The following RAP1GDS1 variants were observed in gnomAD, a reference collection of about 807,000 sequenced individuals.
RAP1GDS1 encodes RAP1, GTP-GDP dissociation stimulator 1.
A neutral mutation model predicts 71.1 loss-of-function variants in RAP1GDS1; 35 were observed. The ratio of observed to expected loss-of-function variants is 0.49; its 90% CI spans 0.38 to 0.65. RAP1GDS1 has a LOEUF of 0.65. Among genes scored for constraint, RAP1GDS1 ranks in the 30% least tolerant of loss-of-function variants. The pLI, the probability that RAP1GDS1 is intolerant of heterozygous loss-of-function variation, is 0.00. For synonymous variants in RAP1GDS1, 229 were observed against 243.1 expected, an observed-to-expected ratio of 0.94 and a Z score of 0.54; for missense variants, 663 against 706.1, an observed-to-expected ratio of 0.94 and a Z score of 0.69.
intron 2 of RAP1GDS1, among the ~76,000 whole-genome samples, chr4:98,297,485 A>T (rs941181423): frequency 6.6e-6 from 1 of 152,148 alleles, no homozygotes; most frequent in Non-Finnish European, 1.5e-5. Context: ...GTGTCACATT[A>T]TGGTAATTCT....
Position 98,261,409 on chromosome 4 carries a change from C to T in RAP1GDS1, c.-157C>T. 5.3e-6 allele frequency: 2 copies of T among 377,454 alleles called. No homozygotes were observed. Among genetic ancestry groups the T allele is most frequent in the Non-Finnish European group, 8.2e-6 (2 of 245,186 alleles). The allele number at this position is 377,454 out of a possible 1,614,324, so 23.4% of individuals were successfully genotyped here. Reference sequence around the variant, plus strand: ...GCTCGTCCCCGCCGCGGCCGCGCCGCCTGCAGCAGCACCAGCTGCTCCTCC... The same window carrying T: ...GCTCGTCCCCGCCGCGGCCGCGCCGTCTGCAGCAGCACCAGCTGCTCCTCC... On this transcript the variant is annotated 5_prime_UTR_variant, in exon 1 of 15. Coordinates refer to ENST00000408927, the MANE Select transcript of RAP1GDS1 (RefSeq NM_001100427.2).
intron 12 of RAP1GDS1, among the ~76,000 whole-genome samples, chr4:98,422,258 C>G (rs1462380881): frequency 6.6e-6 from 1 of 152,070 alleles, no homozygotes; most frequent in Non-Finnish European, 1.5e-5. Flanking sequence ...TGCTCTCTCG[C>G]TCAGGCTGGA....
chr4:98,288,898 C>G (rs879211040), intron 1 of RAP1GDS1, among the ~76,000 whole-genome samples: 2 of 152,112 alleles, frequency 1.3e-5, no homozygotes, highest in Admixed American at 1.3e-4. Context: ...TGAAGAGAAG[C>G]ATGATTTTTT....
chr4:98,320,352 T>C (rs140837681), intron 2 of RAP1GDS1, among the ~76,000 whole-genome samples: 212 of 152,342 alleles, frequency 1.4e-3, no homozygotes, highest in African/African-American at 4.8e-3. Flanking sequence ...TTTGTGTTTT[T>C]TGTAGCCAGA....
chr4:98,353,720 C>A (rs894780532), intron 4 of RAP1GDS1, among the ~76,000 whole-genome samples: 1 of 152,088 alleles, frequency 6.6e-6, no homozygotes, highest in African/African-American at 2.4e-5. Context: ...TTTTCAGTCC[C>A]CAGTATAGCC....
At chr4:98,371,705 G>A (rs891041402) in intron 4 of RAP1GDS1, among the ~76,000 whole-genome samples, 2 of 151,978 alleles carry the variant, frequency 1.3e-5, no homozygotes, top group Admixed American at 6.6e-5. Flanking sequence ...TCAAACTCCC[G>A]CCTTGGCTTC....
rs553864796 is a variant in RAP1GDS1, at chr4:98,396,782, A to G, written c.637+4702A>G. 6 of 152,302 alleles carry G rather than the reference A, an allele frequency of 3.9e-5. No individual in the cohort carries two copies. The East Asian group carries it at 1.2e-3, about 29-fold the overall frequency. 9.4% of individuals were successfully genotyped at this position (152,302 alleles called of 1,614,324 possible). On this transcript the variant is annotated intron_variant, in intron 6 of 14. Transcript: ENST00000408927. ...TTTCTTGCCTGTTAACAAGTAATGT[A>G]TTTTTATTGATTCGTGTAAATATCA...
Position 98,418,656 on chromosome 4 carries a change from G to A in RAP1GDS1, c.1040-1G>A. On this transcript the variant is annotated splice_acceptor_variant, in intron 9 of 14. Coordinates refer to ENST00000408927, the MANE Select transcript of RAP1GDS1 (RefSeq NM_001100427.2). LOFTEE classifies it high-confidence loss of function. ...AAAAAGATGTGTGTTTTTTTTTTCA[G>A]ATGCAAATTGTATTCATATGGTAGA... The A allele has an allele frequency of 6.3e-7, 1 of 1,575,572 alleles. No homozygotes were observed.
intron 7 of RAP1GDS1, 133 bp downstream of exon 7, chr4:98,404,735 TA>T (rs1481811753): frequency 9.3e-6 from 10 of 1,074,232 alleles, no homozygotes; most frequent in Non-Finnish European, 1.3e-5. Context: ...TGCATATCTC[TA>T]ACTTTAGCTA....
intron 2 of RAP1GDS1, among the ~76,000 whole-genome samples, chr4:98,302,180 A>G (rs991517374): frequency 6.6e-6 from 1 of 152,160 alleles, no homozygotes; most frequent in African/African-American, 2.4e-5. Flanking sequence ...GTTATCATTA[A>G]CAGAACACCA....
At chr4:98,380,218 C>T (rs978964112) in intron 5 of RAP1GDS1, among the ~76,000 whole-genome samples, 4 of 151,738 alleles carry the variant, frequency 2.6e-5, no homozygotes, top group African/African-American at 9.7e-5. Flanking sequence ...AAAACCACTA[C>T]TCTTCTCTAG....
At chr4:98,325,801 T>C (rs1225302715) in intron 2 of RAP1GDS1, among the ~76,000 whole-genome samples, 3 of 144,506 alleles carry the variant, frequency 2.1e-5, no homozygotes, top group African/African-American at 5.2e-5. Context: ...AGGGATAGCA[T>C]TGGGCGATAT....
intron 2 of RAP1GDS1, among the ~76,000 whole-genome samples, chr4:98,303,755 T>C (rs1728916505): frequency 6.6e-6 from 1 of 152,050 alleles, no homozygotes; most frequent in Admixed American, 6.6e-5. Context: ...GTTTGTTACA[T>C]AGGTGAATGT....
intron 12 of RAP1GDS1, 61 bp downstream of exon 12, chr4:98,421,455 CA>C (rs1748843080): frequency 4.9e-6 from 7 of 1,439,292 alleles, no homozygotes; most frequent in Non-Finnish European, 6.5e-6. Flanking sequence ...AGAAACCCAG[CA>C]TTGTAGGTCC....
At chr4:98,333,691 C>T (rs1734314024) in intron 2 of RAP1GDS1, among the ~76,000 whole-genome samples, 1 of 151,928 alleles carries the variant, frequency 6.6e-6, no homozygotes, top group African/African-American at 2.4e-5. Flanking sequence ...AACAATTATA[C>T]CTAGATTACT....
intron 3 of RAP1GDS1, among the ~76,000 whole-genome samples, chr4:98,343,828 A>G (rs912989622): frequency 6.6e-6 from 1 of 152,232 alleles, no homozygotes; most frequent in Non-Finnish European, 1.5e-5. Context: ...TGGATGAATT[A>G]TATCATAGCA....
chr4:98,325,900 T>C (rs907198248), intron 2 of RAP1GDS1, among the ~76,000 whole-genome samples: 3 of 121,356 alleles, frequency 2.5e-5, no homozygotes, highest in Non-Finnish European at 5.1e-5. Flanking sequence ...TATGCACATG[T>C]ACCCTAAAAC....
Position 98,439,029 on chromosome 4 carries a change from G to A in RAP1GDS1, c.1696+1961G>A, listed in dbSNP as rs76317391. Among the ~76,000 whole-genome samples, 626 of 152,228 alleles carry A rather than the reference G, an allele frequency of 4.1e-3. 31 individuals carry two copies. The East Asian group carries it at 0.12, about 28-fold the overall frequency. ...CTTTGAAAGAGAAGGGAAGTCTATCGTATTTACGCACATTTTTAGATTTCT... is the reference window on the plus strand; with the variant it reads ...CTTTGAAAGAGAAGGGAAGTCTATCATATTTACGCACATTTTTAGATTTCT... On this transcript the variant is annotated intron_variant, in intron 14 of 14. Transcript: ENST00000408927.
At chr4:98,394,997 CTG>C (rs1160527332) in intron 6 of RAP1GDS1, among the ~76,000 whole-genome samples, 2 of 152,110 alleles carry the variant, frequency 1.3e-5, no homozygotes, top group Non-Finnish European at 2.9e-5. Flanking sequence ...TCAGTGTACT[CTG>C]ATCCTAAACT....
Sources: gnomAD v4.1 joint callset for allele counts (sites outside exome capture counted in the v4.1 genomes callset) on GRCh38, gnomAD v4.1.1 for gene constraint, MANE v1.5 for transcripts, NCBI Gene and HGNC (gene_info 2026-07-23, HGNC 2026-07-21) for gene names.